The following PPP4R2 variants were observed in gnomAD, a reference collection of about 807,000 sequenced individuals.
PPP4R2 encodes the protein protein phosphatase 4 regulatory subunit 2, also known as serine/threonine-protein phosphatase 4 regulatory subunit 2.
PPP4R2 carries 13 observed loss-of-function variants against 47.2 expected under a neutral mutation model. The observed-to-expected ratio is 0.28, with a 90% CI of 0.18 to 0.44. The LOEUF is 0.44. Among genes scored for constraint, PPP4R2 ranks in the 20% least tolerant of loss-of-function variants. The pLI is 1.00. For missense variants in PPP4R2, 421 were observed against 491.2 expected (o/e 0.86, Z 1.35); for synonymous variants, 151 against 163.3 (o/e 0.92, Z 0.57).
chr3:73,013,380 C>T (rs1157657166), intron 2 of PPP4R2, among the ~76,000 whole-genome samples: 1 of 152,076 alleles, frequency 6.6e-6, no homozygotes, highest in South Asian at 2.1e-4. Flanking sequence ...TGTAATGGAT[C>T]ACACAAATTA....
intron 2 of PPP4R2, among the ~76,000 whole-genome samples, chr3:73,015,486 T>G (rs1218010442): frequency 1.5e-5 from 2 of 136,444 alleles, no homozygotes; most frequent in African/African-American, 5.5e-5. Context: ...ACTGTCTTTT[T>G]TTTTTTTTTT....
At chr3:73,031,122 T>C (rs1234939100) in intron 2 of PPP4R2, among the ~76,000 whole-genome samples, 4 of 152,200 alleles carry the variant, frequency 2.6e-5, no homozygotes, top group Non-Finnish European at 4.4e-5. Context: ...TCAAAATTTT[T>C]GGAGTAAGTA....
intron 3 of PPP4R2, among the ~76,000 whole-genome samples, chr3:73,049,104 A>C (rs917262362): frequency 6.6e-6 from 1 of 152,212 alleles, no homozygotes; most frequent in Non-Finnish European, 1.5e-5. Flanking sequence ...AGGAAAAAAA[A>C]CATTTTAAAG....
chr3:73,021,844 CTATATGTGTGTG>C (rs1484881977), intron 2 of PPP4R2, among the ~76,000 whole-genome samples: 5 of 137,370 alleles, frequency 3.6e-5, no homozygotes, highest in African/African-American at 1.1e-4. Context: ...TATTACATTT[CTATATGTGTGTG>C]TGTGTGTGTG....
At position 73,068,750 on chromosome 3, in the gene PPP4R2, T is replaced by TG. The variant is rs1703051457; in HGVS notation, c.*3029dup. On this transcript the variant is annotated 3_prime_UTR_variant, in exon 9 of 9. Transcript: ENST00000356692. ...AAATCAACTTTTCAAATAATGTAAATGTAATATACTAGTTTACTTAAAGGT... is the reference window on the plus strand; with the variant it reads ...AAATCAACTTTTCAAATAATGTAAATGGTAATATACTAGTTTACTTAAAGGT... 6.6e-6 allele frequency: 1 copy of TG among 152,232 alleles called. No individual in the cohort carries two copies. The highest frequency in any genetic ancestry group is 1.5e-5 in the Non-Finnish European group (1 of 68,040). The allele number at this position is 152,232 out of a possible 1,614,324, so 9.4% of individuals were successfully genotyped here.
rs1701354944 is a variant in PPP4R2, at chr3:72,996,914, C to CG, written c.-122dup. ...CCCGGCTCCCTTCGTTTCCCCCCCC[C>CG]GGTCGCCTGCGTGCCGGAGTGTGTG... is the stretch of plus-strand genomic sequence containing the variant. On this transcript the variant is annotated 5_prime_UTR_variant, in exon 1 of 9. Transcript: ENST00000356692. 1.7e-6 allele frequency: 1 copy of CG among 602,616 alleles called. No individual in the cohort carries two copies. The highest frequency in any genetic ancestry group is 6.5e-5 in the South Asian group (1 of 15,326). The allele number at this position is 602,616 out of a possible 1,614,324, so 37.3% of individuals were successfully genotyped here. A position where few individuals can be genotyped will look rare whatever the true frequency, so the allele number is the denominator to read the frequency against.
At chr3:73,035,286 G>A (rs1027427877) in intron 2 of PPP4R2, among the ~76,000 whole-genome samples, 1 of 152,156 alleles carries the variant, frequency 6.6e-6, no homozygotes, top group Admixed American at 6.5e-5. Context: ...TGTAGTCCCA[G>A]CTACTCGGGA....
intron 2 of PPP4R2, chr3:73,015,845 A>G: frequency 2.3e-6 from 1 of 430,644 alleles, no homozygotes; most frequent in Non-Finnish European, 4.7e-6. Context: ...TCACCATGTT[A>G]GCCAGGACGG....
At chr3:73,034,332 A>C (rs745538846) in intron 2 of PPP4R2, among the ~76,000 whole-genome samples, 2 of 152,072 alleles carry the variant, frequency 1.3e-5, no homozygotes, top group African/African-American at 4.8e-5. Context: ...CTCCAAATCT[A>C]TAGTTTTTGT....
chr3:73,011,154 T>C (rs983971344), intron 2 of PPP4R2, among the ~76,000 whole-genome samples: 3 of 152,326 alleles, frequency 2.0e-5, no homozygotes, highest in African/African-American at 4.8e-5. Flanking sequence ...ACTGTAACAG[T>C]GCCAGAATCT....
intron 2 of PPP4R2, among the ~76,000 whole-genome samples, chr3:73,035,008 A>G (rs982711500): frequency 2.0e-5 from 3 of 152,192 alleles, no homozygotes; most frequent in Non-Finnish European, 4.4e-5. Context: ...AGAAAATGAA[A>G]TGGGAGAAAA....
At chr3:73,006,660 A>G (rs1701616629) in intron 2 of PPP4R2, among the ~76,000 whole-genome samples, 2 of 152,192 alleles carry the variant, frequency 1.3e-5, no homozygotes, top group South Asian at 4.2e-4. Flanking sequence ...GCTTACCTCT[A>G]GATTGGAGCA....
intron 2 of PPP4R2, among the ~76,000 whole-genome samples, chr3:73,039,711 C>T (rs1385291436): frequency 6.6e-6 from 1 of 152,006 alleles, no homozygotes; most frequent in Non-Finnish European, 1.5e-5. Flanking sequence ...CCACATCCTC[C>T]AGTACAAAGG....
chr3:72,999,753 A>G (rs1014897873), intron 2 of PPP4R2, among the ~76,000 whole-genome samples: 3 of 152,202 alleles, frequency 2.0e-5, no homozygotes, highest in African/African-American at 7.2e-5. Context: ...AAAATTCCCA[A>G]TCCTCCACCC....
chr3:73,028,609 T>A (rs1482124262), intron 2 of PPP4R2, among the ~76,000 whole-genome samples: 1 of 151,926 alleles, frequency 6.6e-6, no homozygotes, highest in Non-Finnish European at 1.5e-5. Context: ...CCCAGCTAAT[T>A]GTTGTATTTT....
chr3:73,067,748 T>C lies in PPP4R2; in HGVS notation c.*2026T>C. ...TGATTTACTTTTGTTGGTTGTAAGT[T>C]GAAGATTTAGCATTATGACTTTGAG... On this transcript the variant is annotated 3_prime_UTR_variant, in exon 9 of 9. Coordinates refer to ENST00000356692, the MANE Select transcript of PPP4R2 (RefSeq NM_174907.4). The C allele has an allele frequency of 6.6e-6, 1 of 152,198 alleles. No individual in the cohort carries two copies. Among genetic ancestry groups the C allele is most frequent in the Non-Finnish European group, 1.5e-5 (1 of 68,014 alleles). The allele number at this position is 152,198 out of a possible 1,614,324, so 9.4% of individuals were successfully genotyped here.
chr3:73,019,355 A>G (rs1030953365), intron 2 of PPP4R2, among the ~76,000 whole-genome samples: 8 of 152,162 alleles, frequency 5.3e-5, no homozygotes, highest in Admixed American at 4.6e-4. Context: ...GTCTTCATCT[A>G]CAAAGGAACT....
chr3:72,998,271 A>G (rs1430256275), intron 2 of PPP4R2, 113 bp downstream of exon 2: 1 of 656,630 alleles, frequency 1.5e-6, no homozygotes, highest in East Asian at 3.0e-5. Context: ...TAAATTGTAG[A>G]AGTCCTGGTC....
chr3:72,998,198 A>C, intron 2 of PPP4R2, 40 bp downstream of exon 2: 1 of 1,259,720 alleles, frequency 7.9e-7, no homozygotes, highest in Non-Finnish European at 1.1e-6. Context: ...AGACCAGTGC[A>C]TTATTAAGAA....
Sources: allele counts gnomAD v4.1 joint callset (sites outside exome capture counted in the v4.1 genomes callset), GRCh38; gene constraint gnomAD v4.1.1; transcripts MANE v1.5; gene names NCBI Gene and HGNC (gene_info 2026-07-23, HGNC 2026-07-21).